Variants in ABCC8 observed in about 807,000 individuals in gnomAD.
The protein encoded by ABCC8 is ATP-binding cassette sub-family C member 8.
A neutral mutation model predicts 188.0 loss-of-function variants in ABCC8; 137 were observed. The ratio of observed to expected loss-of-function variants is 0.73; its 90% CI spans 0.63 to 0.84. ABCC8 has a LOEUF of 0.84. ABCC8 is among the 40% of genes least tolerant of loss of function. ABCC8 has a pLI of 0.00. For missense variants in ABCC8, 1,750 were observed against 2,072.7 expected (o/e 0.84, Z 3.02); for synonymous variants, 797 against 846.5 (o/e 0.94, Z 1.01).
At chr11:17,471,359 TAA>T (rs907630639) in intron 2 of ABCC8, among the ~76,000 whole-genome samples, 3 of 152,052 alleles carry the variant, frequency 2.0e-5, no homozygotes, top group Admixed American at 2.0e-4. Context: ...GAAGGATACA[TAA>T]GAGTTCAACA....
At position 17,460,475 on chromosome 11, in the gene ABCC8, TG is replaced by T; in HGVS notation, c.1011+12del. ...TCTAGAGGGTGCCTTACCCTACCCC[TG>T]GGGCTGCCTACCTTGGGCTGGAAGA... On this transcript the variant is annotated intron_variant, in intron 6 of 38. Transcript: ENST00000389817. The T allele has an allele frequency of 6.2e-7, 1 of 1,614,098 alleles. No homozygotes were observed. Among genetic ancestry groups the T allele is most frequent in the Non-Finnish European group, 8.5e-7 (1 of 1,180,038 alleles).
chr11:17,455,975 C>T (rs898868466), intron 6 of ABCC8, among the ~76,000 whole-genome samples: 11 of 147,362 alleles, frequency 7.5e-5, no homozygotes, highest in Admixed American at 2.0e-4. Context: ...GGGTACTAGA[C>T]TAGCCAAGAG....
At chr11:17,474,826 G>A in intron 2 of ABCC8, 60 bp downstream of exon 2, 1 of 1,564,090 alleles carries the variant, frequency 6.4e-7, no homozygotes, top group East Asian at 2.2e-5. Context: ...ATCTCCTTGG[G>A]CCTTTCAGGA....
intron 33 of ABCC8, chr11:17,396,625 G>C (rs556945944): frequency 2.2e-6 from 1 of 454,776 alleles, no homozygotes; most frequent in Non-Finnish European, 4.1e-6. Flanking sequence ...CTGACCATTC[G>C]CAGAGAGGGA....
chr11:17,462,851 A>G (rs1027404335), intron 4 of ABCC8, among the ~76,000 whole-genome samples: 4 of 152,226 alleles, frequency 2.6e-5, no homozygotes, highest in Non-Finnish European at 4.4e-5. Context: ...GGAAACCTAC[A>G]TATTCACTTG....
intron 6 of ABCC8, among the ~76,000 whole-genome samples, chr11:17,460,139 C>T (rs1202307205): frequency 1.3e-5 from 2 of 152,192 alleles, no homozygotes; most frequent in Admixed American, 6.5e-5. Context: ...AAAGAGTTTA[C>T]TAAGATGACA....
At chr11:17,437,408 C>T (rs927664381) in intron 10 of ABCC8, among the ~76,000 whole-genome samples, 2 of 144,616 alleles carry the variant, frequency 1.4e-5, no homozygotes, top group East Asian at 1.9e-4. Context: ...CCAGAAGTTA[C>T]GTGTCAGAGA....
intron 36 of ABCC8, among the ~76,000 whole-genome samples, chr11:17,394,788 C>T (rs148834432): frequency 6.6e-6 from 1 of 152,256 alleles, no homozygotes; most frequent in East Asian, 1.9e-4. Flanking sequence ...CACCGGTGGC[C>T]TTGATGAGTG....
intron 19 of ABCC8, 79 bp from the exon 20 acceptor site, chr11:17,413,557 C>T (rs1047654146): frequency 1.1e-5 from 18 of 1,611,674 alleles, no homozygotes; most frequent in Middle Eastern, 2.2e-4. Context: ...GGTCATTAGT[C>T]TCTGGGTAGC....
intron 8 of ABCC8, among the ~76,000 whole-genome samples, chr11:17,443,941 T>C (rs954704206): frequency 6.6e-6 from 1 of 152,210 alleles, no homozygotes; most frequent in Non-Finnish European, 1.5e-5. Flanking sequence ...TGACAGTTTC[T>C]CAGGTTGCCT....
chr11:17,463,453 A>G lies in ABCC8; in HGVS notation c.564T>C (p.Asn188=), dbSNP rs1410002309. The change falls in exon 4 of 39, where the codon AAT becomes AAC. Residue 188 remains asparagine, a synonymous_variant. Transcript: ENST00000389817. ...GCCTGCTTACCCTCACCCTGATGAC[A>G]TTGACCTCCACGAGGAGCAGCATCC... ...LYGMLLLVEV[N]VIRVRRYIFF... 1.2e-6 allele frequency: 2 copies of G among 1,605,358 alleles called. No individual in the cohort carries two copies. Among genetic ancestry groups the G allele is most frequent in the Admixed American group, 1.7e-5 (1 of 58,754 alleles).
intron 17 of ABCC8, among the ~76,000 whole-genome samples, chr11:17,416,242 T>C (rs1346730860): frequency 6.6e-6 from 1 of 152,164 alleles, no homozygotes; most frequent in East Asian, 1.9e-4. Flanking sequence ...CTCAAGTGTT[T>C]TTTGGAGAGG....
At chr11:17,470,943 C>T (rs1236765015) in intron 2 of ABCC8, among the ~76,000 whole-genome samples, 3 of 152,134 alleles carry the variant, frequency 2.0e-5, no homozygotes, top group Non-Finnish European at 2.9e-5. Context: ...CTTAGTTGGT[C>T]GTGATCATGC....
At chr11:17,393,869 A>G (rs2133393569) in intron 37 of ABCC8, 110 bp from the exon 38 acceptor site, 1 of 1,605,310 alleles carries the variant, frequency 6.2e-7, no homozygotes, top group Non-Finnish European at 8.5e-7. Context: ...TCTGACCCCG[A>G]TCCTAGTCCC....
intron 36 of ABCC8, 129 bp downstream of exon 36, chr11:17,395,043 G>A: frequency 8.3e-7 from 1 of 1,203,742 alleles, no homozygotes; most frequent in African/African-American, 1.5e-5. Flanking sequence ...GTGAGAAGTA[G>A]GACTAAATGG....
At chr11:17,453,084 C>T (rs1248432571) in intron 7 of ABCC8, 35 bp downstream of exon 7, 1 of 1,555,798 alleles carries the variant, frequency 6.4e-7, no homozygotes, top group Admixed American at 1.7e-5. Context: ...AATAATGGTT[C>T]TTATGGCAAA....
intron 17 of ABCC8, 48 bp downstream of exon 17, chr11:17,416,882 C>G: frequency 6.2e-7 from 1 of 1,607,152 alleles, no homozygotes; most frequent in Non-Finnish European, 8.5e-7. Flanking sequence ...CCCACCCTAC[C>G]CCTTCCCTTT....
chr11:17,414,235 G>A (rs963234713), intron 19 of ABCC8, among the ~76,000 whole-genome samples: 123 of 152,168 alleles, frequency 8.1e-4, no homozygotes, highest in African/African-American at 2.8e-3. Flanking sequence ...CACAGAGAGA[G>A]CTAGCTAGCC....
In ABCC8 at chr11:17,394,329, G is replaced by A. The variant is rs374853931; in HGVS notation, c.4482C>T (p.Ala1494=). The change falls in exon 37 of 39, where the codon GCC becomes GCT. Residue 1494 remains alanine (A), a synonymous_variant. Transcript: ENST00000389817. ...GQRQLFCLAR[A]FVRKTSIFIM... ...TGAAGATGCTGGTCTTCCTCACGAA[G>A]GCCCGGGCCAGGCAGAACAGCTGCC... The A allele has an allele frequency of 1.1e-4, 181 of 1,613,946 alleles. No individual in the cohort carries two copies. The highest frequency in any genetic ancestry group is 1.1e-4 in the Non-Finnish European group (126 of 1,180,060).
Sources: allele counts gnomAD v4.1 joint callset (sites outside exome capture counted in the v4.1 genomes callset), GRCh38; gene constraint gnomAD v4.1.1; transcripts MANE v1.5; gene names NCBI Gene and HGNC (gene_info 2026-07-23, HGNC 2026-07-21).